FRMPD2: variants seen among roughly 807,000 people sequenced by gnomAD.
FRMPD2 encodes FERM and PDZ domain-containing protein 2.
FRMPD2 carries 96 observed loss-of-function variants against 140.1 expected under a neutral mutation model. The ratio of observed to expected loss-of-function variants is 0.69; its 90% CI spans 0.58 to 0.81. The LOEUF (loss-of-function observed/expected upper bound fraction) is 0.81, where lower values mean the gene tolerates loss of function less well. Ranked by LOEUF, FRMPD2 falls within the 40% of genes least tolerant of loss-of-function variation. FRMPD2 has a pLI of 0.00. For missense variants in FRMPD2, 1,240 were observed against 1,447.4 expected (o/e 0.86, Z 2.32); for synonymous variants, 449 against 547.6 (o/e 0.82, Z 2.52).
In FRMPD2 at chr10:48,157,208, AC is replaced by A. The variant is rs1837803363; in HGVS notation, c.*113del. 1 of 679,566 alleles carries A rather than the reference AC, an allele frequency of 1.5e-6. No homozygotes were observed. Among genetic ancestry groups the A allele is most frequent in the East Asian group, 2.7e-5 (1 of 36,776 alleles). 42.1% of individuals were successfully genotyped at this position (679,566 alleles called of 1,614,324 possible). A position where few individuals can be genotyped will look rare whatever the true frequency, so the allele number is the denominator to read the frequency against. On this transcript the variant is annotated 3_prime_UTR_variant, in exon 29 of 29. Coordinates refer to ENST00000374201, the MANE Select transcript of FRMPD2 (RefSeq NM_001018071.4). ...CAGCCGCAGACGTAATGGTCAAAGA[AC>A]AAGACTTCCAGGGGCTGCCCCAAGT... is the stretch of plus-strand genomic sequence containing the variant.
intron 14 of FRMPD2, among the ~76,000 whole-genome samples, chr10:48,206,273 C>T (rs1271587626): frequency 2.0e-5 from 3 of 152,166 alleles, no homozygotes; most frequent in Non-Finnish European, 4.4e-5. Context: ...CCGTAGCACA[C>T]CTGTAGTCCT....
rs771250034 is a variant in FRMPD2 at position 48,206,741 on chromosome 10, C to T, written c.1797+7G>A. 2 of 1,611,290 alleles carry T rather than the reference C, an allele frequency of 1.2e-6. No individual in the cohort carries two copies. The highest frequency in any genetic ancestry group is 2.2e-5 in the South Asian group (2 of 90,936). On this transcript the variant is annotated splice_region_variant and intron_variant, in intron 14 of 28. Coordinates refer to ENST00000374201, the MANE Select transcript of FRMPD2 (RefSeq NM_001018071.4). ...TGCAGGTTATTTATCAACTGAGCTA[C>T]ACTCACATAAGTAGAAATCTTCCCG...
intron 7 of FRMPD2, among the ~76,000 whole-genome samples, chr10:48,238,831 G>A (rs965666549): frequency 2.6e-5 from 4 of 152,206 alleles, no homozygotes; most frequent in African/African-American, 9.6e-5. Context: ...TTTGCAATCC[G>A]ACTTTGCAGC....
intron 2 of FRMPD2, among the ~76,000 whole-genome samples, chr10:48,249,849 C>G (rs1840334007): frequency 6.8e-6 from 1 of 146,712 alleles, no homozygotes; most frequent in Non-Finnish European, 1.5e-5. Context: ...TTAGAGGGCT[C>G]TGAAGAGACA....
intron 20 of FRMPD2, among the ~76,000 whole-genome samples, chr10:48,181,407 G>T (rs1392673874): frequency 6.6e-6 from 1 of 152,158 alleles, no homozygotes; most frequent in Non-Finnish European, 1.5e-5. Context: ...CAGAGTCAAA[G>T]CTATTAAGTG....
intron 28 of FRMPD2, among the ~76,000 whole-genome samples, chr10:48,159,982 A>C (rs1474122677): frequency 2.0e-5 from 3 of 151,340 alleles, no homozygotes; most frequent in Non-Finnish European, 4.4e-5. Context: ...AAGCCTCCTA[A>C]CTTCATCTGA....
intron 4 of FRMPD2, among the ~76,000 whole-genome samples, chr10:48,242,887 A>G (rs1305940176): frequency 6.6e-5 from 10 of 152,360 alleles, no homozygotes; most frequent in South Asian, 2.1e-4. Flanking sequence ...ACGTGTACAC[A>G]TCGAGCAAAA....
At chr10:48,240,631 C>T (rs1840086073) in intron 5 of FRMPD2, 139 bp from the exon 6 acceptor site, 1 of 1,213,358 alleles carries the variant, frequency 8.2e-7, no homozygotes, top group Middle Eastern at 2.2e-4. Context: ...TGTTCTCTGG[C>T]ACCCAGAATG....
intron 3 of FRMPD2, among the ~76,000 whole-genome samples, chr10:48,247,051 C>T (rs1840266783): frequency 1.3e-5 from 2 of 152,212 alleles, no homozygotes; most frequent in Admixed American, 6.5e-5. Context: ...TCTTCCAGCT[C>T]ACACTCACTC....
intron 1 of FRMPD2, among the ~76,000 whole-genome samples, chr10:48,270,469 T>C (rs947355027): frequency 6.6e-6 from 1 of 152,218 alleles, no homozygotes; most frequent in Non-Finnish European, 1.5e-5. Context: ...TGCCATGGTA[T>C]TATTTGTAAC....
intron 1 of FRMPD2, among the ~76,000 whole-genome samples, chr10:48,266,834 G>T (rs1228410313): frequency 1.3e-5 from 2 of 152,258 alleles, no homozygotes; most frequent in African/African-American, 4.8e-5. Context: ...AGGTGTAAGA[G>T]AGGGTCAGTA....
At chr10:48,250,346 A>G (rs996196273) in intron 2 of FRMPD2, among the ~76,000 whole-genome samples, 1 of 152,230 alleles carries the variant, frequency 6.6e-6, no homozygotes, top group Non-Finnish European at 1.5e-5. Context: ...TTCAAAGTTT[A>G]TCCCTCACTG....
At chr10:48,230,924 A>C (rs1839835007) in intron 10 of FRMPD2, among the ~76,000 whole-genome samples, 1 of 152,212 alleles carries the variant, frequency 6.6e-6, no homozygotes, top group East Asian at 1.9e-4. Context: ...ACGCTGGTCT[A>C]GTGCTTCGAA....
intron 9 of FRMPD2, among the ~76,000 whole-genome samples, chr10:48,233,394 C>A (rs544541787): frequency 1.3e-5 from 2 of 152,330 alleles, no homozygotes; most frequent in Admixed American, 1.3e-4. Context: ...ATGGTTCTGT[C>A]AGTCTGGCAC....
chr10:48,267,308 G>A (rs1449604206), intron 1 of FRMPD2, among the ~76,000 whole-genome samples: 1 of 152,028 alleles, frequency 6.6e-6, no homozygotes, highest in African/African-American at 2.4e-5. Flanking sequence ...ACATAGAAAG[G>A]CTCAACAAAG....
intron 12 of FRMPD2, among the ~76,000 whole-genome samples, chr10:48,212,904 G>A (rs1030021472): frequency 3.9e-5 from 6 of 152,182 alleles, no homozygotes; most frequent in Non-Finnish European, 5.9e-5. Flanking sequence ...TACAGAATGA[G>A]GAATGCAGGA....
intron 1 of FRMPD2, among the ~76,000 whole-genome samples, chr10:48,261,073 T>G (rs1237494716): frequency 2.6e-5 from 4 of 152,194 alleles, no homozygotes; most frequent in South Asian, 2.1e-4. Flanking sequence ...AGCTTAAAGA[T>G]GTGTCAGTAG....
At chr10:48,262,937 C>A (rs1840618940) in intron 1 of FRMPD2, among the ~76,000 whole-genome samples, 1 of 151,800 alleles carries the variant, frequency 6.6e-6, no homozygotes, top group Non-Finnish European at 1.5e-5. Flanking sequence ...GTACAGAAAT[C>A]ATACAAAGTA....
chr10:48,202,904 A>G (rs1032333873), intron 14 of FRMPD2, among the ~76,000 whole-genome samples: 3 of 152,110 alleles, frequency 2.0e-5, no homozygotes, highest in African/African-American at 7.2e-5. Flanking sequence ...GGGTTCAAGC[A>G]ATCCTCGCAC....
Sources: gnomAD v4.1 joint callset for allele counts (sites outside exome capture counted in the v4.1 genomes callset) on GRCh38, gnomAD v4.1.1 for gene constraint, MANE v1.5 for transcripts, NCBI Gene and HGNC (gene_info 2026-07-23, HGNC 2026-07-21) for gene names.